ZBTB10: variants seen among roughly 807,000 people sequenced by gnomAD.
ZBTB10 encodes the protein zinc finger and BTB domain-containing protein 10.
ZBTB10 carries 32 observed loss-of-function variants against 76.4 expected under a neutral mutation model. The ratio of observed to expected loss-of-function variants is 0.42; its 90% confidence interval spans 0.32 to 0.56. ZBTB10 has a LOEUF of 0.56. Among genes scored for constraint, ZBTB10 ranks in the 20% least tolerant of loss-of-function variants. ZBTB10 has a pLI of 0.14. For missense variants in ZBTB10, 1,057 were observed against 1,098.5 expected, an observed-to-expected ratio of 0.96 and a Z score of 0.53; for synonymous variants, 523 against 432.9, an observed-to-expected ratio of 1.21 and a Z score of -2.58.
chr8:80,507,949 A>C (rs1036713517), intron 2 of ZBTB10, among the ~76,000 whole-genome samples: 1 of 152,206 alleles, frequency 6.6e-6, no homozygotes, highest in Admixed American at 6.5e-5. Context: ...TATATGATAT[A>C]CTAATGCATA....
chr8:80,518,496 A>G lies in ZBTB10; in HGVS notation c.2054A>G (p.Tyr685Cys), dbSNP rs985024060. Residue 685 changes from tyrosine (Y) to cysteine (C), a missense_variant, in exon 4 of 6, where the codon TAT becomes TGT. Coordinates refer to ENST00000455036, the MANE Select transcript of ZBTB10 (RefSeq NM_001105539.3). ...CCAGGTACTTCAAATGATTTCAAGT[A>G]TGGATTGATACCAGGTGCTTCAAAT... ...LIPGTSNDFKYGLIPGASNDF... is the reference protein window; with the variant it reads ...LIPGTSNDFKCGLIPGASNDF... 7.1e-6 allele frequency: 11 copies of G among 1,553,426 alleles called. No homozygotes were observed. The African/African-American group carries it at 1.4e-4, about 19-fold the overall frequency.
intron 3 of ZBTB10, among the ~76,000 whole-genome samples, chr8:80,518,055 T>TG (rs1177032840): frequency 2.0e-5 from 3 of 151,700 alleles, no homozygotes; most frequent in Non-Finnish European, 4.4e-5. Flanking sequence ...GAGATGGAGA[T>TG]GGAGTTTCTC....
intron 2 of ZBTB10, among the ~76,000 whole-genome samples, chr8:80,504,975 G>GAACAT: frequency 6.6e-6 from 1 of 152,166 alleles, no homozygotes; most frequent in East Asian, 1.9e-4. Flanking sequence ...TTTATTTTGC[G>GAACAT]GGCTCATGGA....
At chr8:80,509,670 T>C (rs912294508) in intron 2 of ZBTB10, among the ~76,000 whole-genome samples, 1 of 152,228 alleles carries the variant, frequency 6.6e-6, no homozygotes, top group African/African-American at 2.4e-5. Context: ...TTTACTAATA[T>C]CATTGGTCAT....
chr8:80,491,308 A>C (rs984447101), intron 1 of ZBTB10, among the ~76,000 whole-genome samples: 1 of 152,172 alleles, frequency 6.6e-6, no homozygotes, highest in Non-Finnish European at 1.5e-5. Context: ...GTAGTCTGGG[A>C]GCAATAGGCC....
chr8:80,523,895 G>A lies in ZBTB10; in HGVS notation c.*4367G>A, dbSNP rs1816498584. 6.6e-6 allele frequency: 1 copy of A among 151,940 alleles called. No homozygotes were observed. Among genetic ancestry groups the A allele is most frequent in the African/African-American group, 2.4e-5 (1 of 41,422 alleles). The allele number at this position is 151,940 out of a possible 1,614,324, so 9.4% of individuals were successfully genotyped here. On this transcript the variant is annotated 3_prime_UTR_variant, in exon 6 of 6. Coordinates refer to ENST00000455036, the MANE Select transcript of ZBTB10 (RefSeq NM_001105539.3). ...GCTGTTTGTAAAAGCTCTTTGGGAA[G>A]ATCTTTTACGAAGACCAACTTTTTA...
intron 2 of ZBTB10, among the ~76,000 whole-genome samples, chr8:80,506,172 G>T (rs1726371221): frequency 6.6e-6 from 1 of 152,204 alleles, no homozygotes; most frequent in Non-Finnish European, 1.5e-5. Flanking sequence ...TAATGGGAAA[G>T]AAGTAAAATT....
At chr8:80,504,276 G>T (rs527850346) in intron 2 of ZBTB10, among the ~76,000 whole-genome samples, 1 of 152,298 alleles carries the variant, frequency 6.6e-6, no homozygotes, top group East Asian at 1.9e-4. Flanking sequence ...GCAAACATCT[G>T]AAAAGTCTTA....
intron 3 of ZBTB10, among the ~76,000 whole-genome samples, chr8:80,516,293 A>T (rs1214076173): frequency 1.3e-5 from 2 of 152,232 alleles, no homozygotes; most frequent in Non-Finnish European, 2.9e-5. Flanking sequence ...GTCTTTTGGT[A>T]CTAGTTTTCC....
In ZBTB10 at chr8:80,522,553, TAA is replaced by T. The variant is rs898167606; in HGVS notation, c.*3030_*3031del. The stretch of plus-strand genomic sequence containing the variant: ...TTTAGCACACTAGCAATTAAGAGTT[TAA>T]AAAAGAAGAAACGTTATAGGAAAGG... On this transcript the variant is annotated 3_prime_UTR_variant, in exon 6 of 6. Coordinates refer to ENST00000455036, the MANE Select transcript of ZBTB10 (RefSeq NM_001105539.3). The T allele has an allele frequency of 7.9e-5, 12 of 151,856 alleles. No individual in the cohort carries two copies. Among genetic ancestry groups the T allele is most frequent in the African/African-American group, 2.9e-4 (12 of 41,428 alleles). The allele number at this position is 151,856 out of a possible 1,614,324, so 9.4% of individuals were successfully genotyped here. A position where few individuals can be genotyped will look rare whatever the true frequency, so the allele number is the denominator to read the frequency against.
chr8:80,515,159 C>T (rs1816296125), intron 3 of ZBTB10, among the ~76,000 whole-genome samples: 1 of 152,046 alleles, frequency 6.6e-6, no homozygotes, highest in Admixed American at 6.5e-5. Flanking sequence ...GGAGCATGTT[C>T]TAGAAGATGC....
rs1021622925 is a variant in ZBTB10, at chr8:80,522,707, A to G, written c.*3179A>G. ...CATGTAAAGTGCTTAGAACACTGGT[A>G]CATAATAGGTGCATAACACATCTTA... On this transcript the variant is annotated 3_prime_UTR_variant, in exon 6 of 6. Transcript: ENST00000455036. 1 of 151,962 alleles carries G rather than the reference A, an allele frequency of 6.6e-6. No homozygotes were observed. Among genetic ancestry groups the G allele is most frequent in the Non-Finnish European group, 1.5e-5 (1 of 67,872 alleles). 9.4% of individuals were successfully genotyped at this position (151,962 alleles called of 1,614,324 possible).
Position 80,507,907 on chromosome 8 carries a change from T to C in ZBTB10, c.1862-6003T>C, listed in dbSNP as rs183938389. On this transcript the variant is annotated intron_variant, in intron 2 of 5. Coordinates refer to ENST00000455036, the MANE Select transcript of ZBTB10 (RefSeq NM_001105539.3). The stretch of plus-strand genomic sequence containing the variant: ...GAGCCACTGTACCCAGCCCTGATGC[T>C]TATTTTTAAAAATAAATAATAGTTA... 3.0e-3 allele frequency among the ~76,000 whole-genome samples: 459 copies of C among 152,328 alleles called. 5 individuals are homozygous for C. Among genetic ancestry groups the C allele is most frequent in the African/African-American group, 0.01 (433 of 41,582 alleles).
At chr8:80,488,812 G>A (rs572765455) in intron 1 of ZBTB10, among the ~76,000 whole-genome samples, 10 of 152,284 alleles carry the variant, frequency 6.6e-5, no homozygotes, top group Admixed American at 3.9e-4. Context: ...TTAGCCAGTC[G>A]TTGATTTTAT....
intron 1 of ZBTB10, among the ~76,000 whole-genome samples, chr8:80,488,201 A>C (rs939915297): frequency 1.3e-5 from 2 of 152,128 alleles, no homozygotes; most frequent in Non-Finnish European, 2.9e-5. Flanking sequence ...AAATCGGGCA[A>C]CTCTTTGAAG....
At chr8:80,495,016 A>C (rs541914682) in intron 1 of ZBTB10, among the ~76,000 whole-genome samples, 1 of 151,890 alleles carries the variant, frequency 6.6e-6, no homozygotes, top group Admixed American at 6.6e-5. Context: ...CCTTGCTGCC[A>C]TAGGCATCTC....
In ZBTB10 at chr8:80,500,229, G is replaced by C. The variant is rs759959880; in HGVS notation, c.1708G>C (p.Glu570Gln). The change falls in exon 2 of 6, where the codon GAG becomes CAG. Residue 570 changes from glutamate to glutamine, a missense_variant. Glu to Gln is a conservative substitution (Grantham distance 29). Coordinates refer to ENST00000455036, the MANE Select transcript of ZBTB10 (RefSeq NM_001105539.3). ...TAATATGGGCTCCCAGGGAATTCAA[G>C]AGACTGGCAAAACAAGGAGGAAAAA... is the stretch of plus-strand genomic sequence containing the variant. ...WNNMGSQGIQ[E>Q]TGKTRRKNQT... The C allele has an allele frequency of 1.4e-5, 22 of 1,595,650 alleles. No individual in the cohort carries two copies. Among genetic ancestry groups the C allele is most frequent in the Non-Finnish European group, 8.5e-7 (1 of 1,170,246 alleles).
chr8:80,487,238 C>A lies in ZBTB10; in HGVS notation c.428C>A (p.Pro143His). ...AACAATGGCAGTAGCCGCGGCCGCC[C>A]CGAGACCTCGGTGTGGCCCTTGAGG... ...LGNNGSSRGR[P>H]ETSVWPLRHF... The change falls in exon 1 of 6, where the codon CCC becomes CAC. Residue 143 changes from proline to histidine, a missense_variant. Transcript: ENST00000455036. 1 of 1,548,744 alleles carries A rather than the reference C, an allele frequency of 6.5e-7. No homozygotes were observed. Among genetic ancestry groups the A allele is most frequent in the Non-Finnish European group, 8.7e-7 (1 of 1,149,102 alleles).
chr8:80,487,062 C>A lies in ZBTB10; in HGVS notation c.252C>A (p.Ala84=). The A allele has an allele frequency of 2.6e-6, 4 of 1,515,510 alleles. No homozygotes were observed. The highest frequency in any genetic ancestry group is 1.2e-5 in the South Asian group (1 of 82,062). 93.9% of individuals were successfully genotyped at this position (1,515,510 alleles called of 1,614,324 possible). The change falls in exon 1 of 6, where the codon GCC becomes GCA. Residue 84 remains alanine (A), a synonymous_variant. Coordinates refer to ENST00000455036, the MANE Select transcript of ZBTB10 (RefSeq NM_001105539.3). ...PQDLEASAGP[A]AGAAEEAKEL... is the part of the protein sequence containing the mutation. ...ACCTGGAGGCCTCCGCCGGGCCGGC[C>A]GCCGGCGCCGCCGAGGAAGCCAAGG... is the stretch of plus-strand genomic sequence containing the variant.
Sources: gnomAD v4.1 joint callset for allele counts (sites outside exome capture counted in the v4.1 genomes callset) on GRCh38, gnomAD v4.1.1 for gene constraint, MANE v1.5 for transcripts, NCBI Gene and HGNC (gene_info 2026-07-23, HGNC 2026-07-21) for gene names.